The following ZNF292 variants were observed in gnomAD, a reference collection of about 807,000 sequenced individuals.
ZNF292 encodes the protein 16 zinc-finger domain protein.
Under a neutral mutation model 217.9 loss-of-function variants are expected in ZNF292, and 26 were observed. The ratio of observed to expected loss-of-function variants is 0.12; its 90% CI spans 0.09 to 0.17. The LOEUF (loss-of-function observed/expected upper bound fraction) is 0.17. Ranked by LOEUF, ZNF292 falls within the 10% of genes least tolerant of loss-of-function variation. ZNF292 has a pLI of 1.00. For synonymous variants in ZNF292, 1,257 were observed against 1,124.1 expected, an observed-to-expected ratio of 1.12 and a Z score of -2.37; for missense variants, 2,904 against 3,175.2, an observed-to-expected ratio of 0.91 and a Z score of 2.05.
intron 1 of ZNF292, among the ~76,000 whole-genome samples, chr6:87,171,998 C>A (rs1224632363): frequency 6.6e-6 from 1 of 152,198 alleles, no homozygotes; most frequent in Non-Finnish European, 1.5e-5. Flanking sequence ...ATGGAGAGTT[C>A]AATTCAACCA....
chr6:87,172,029 A>G (rs1336976701), intron 1 of ZNF292, among the ~76,000 whole-genome samples: 1 of 152,216 alleles, frequency 6.6e-6, no homozygotes, highest in African/African-American at 2.4e-5. Context: ...TGCAAATACT[A>G]ACAAAGGTAA....
At position 87,258,596 on chromosome 6, in the gene ZNF292, G is replaced by A. The variant is rs752383255; in HGVS notation, c.4967G>A (p.Gly1656Glu). 2 of 1,613,640 alleles carry A rather than the reference G, an allele frequency of 1.2e-6. No individual in the cohort carries two copies. Among genetic ancestry groups the A allele is most frequent in the Non-Finnish European group, 1.7e-6 (2 of 1,179,768 alleles). The change falls in exon 8 of 8, where the codon GGA (glycine) becomes GAA (glutamate). Residue 1656 changes from glycine (G) to glutamate (E), a missense_variant. Gly to Glu is a moderately conservative substitution (Grantham distance 98, BLOSUM62 -2). Around this residue, in one of 15 missense-constraint regions of ZNF292, gnomAD observed 622 missense variants for 573.1 expected, o/e 1.09. Coordinates refer to ENST00000369577, the MANE Select transcript of ZNF292 (RefSeq NM_015021.3). ...NLVTSDLTTM[G>E]LIAKSVEIPT... is the part of the protein sequence containing the mutation. ...GTAACAAGTGACTTAACAACAATGG[G>A]ACTCATAGCAAAGAGTGTTGAAATC...
chr6:87,231,106 TAGAA>T (rs1285273536), intron 4 of ZNF292, among the ~76,000 whole-genome samples: 7 of 152,018 alleles, frequency 4.6e-5, no homozygotes, highest in East Asian at 3.9e-4. Context: ...TGCAGAGAAA[TAGAA>T]AGATGCAGAG....
chr6:87,198,626 A>G (rs959731012), intron 1 of ZNF292, among the ~76,000 whole-genome samples: 1 of 152,256 alleles, frequency 6.6e-6, no homozygotes, highest in Non-Finnish European at 1.5e-5. Flanking sequence ...ACTTAAATAT[A>G]TTAGACTTGG....
chr6:87,223,958 T>G (rs994949600), intron 4 of ZNF292: 3 of 152,200 alleles, frequency 2.0e-5, no homozygotes, highest in Non-Finnish European at 2.9e-5. Flanking sequence ...CAAGTCTAAT[T>G]CATTAACACA....
rs1775653812 is a variant in ZNF292, at chr6:87,262,440, C to T, written c.*639C>T. ...CACTTTGCTCTGCTTTGTAAATTTG[C>T]CATCCAGGATTTTGGGGTGGTATTC... On this transcript the variant is annotated 3_prime_UTR_variant, in exon 8 of 8. Transcript: ENST00000369577. 6.6e-6 allele frequency: 1 copy of T among 151,802 alleles called. No homozygotes were observed. Among genetic ancestry groups the T allele is most frequent in the Non-Finnish European group, 1.5e-5 (1 of 67,878 alleles). 9.4% of individuals were successfully genotyped at this position (151,802 alleles called of 1,614,324 possible).
At chr6:87,212,536 T>A (rs1458786149) in intron 1 of ZNF292, among the ~76,000 whole-genome samples, 1 of 152,198 alleles carries the variant, frequency 6.6e-6, no homozygotes, top group Non-Finnish European at 1.5e-5. Flanking sequence ...CTTACGTAGA[T>A]TTCAAGGGTT....
At chr6:87,195,765 C>T (rs1771937675) in intron 1 of ZNF292, among the ~76,000 whole-genome samples, 1 of 152,090 alleles carries the variant, frequency 6.6e-6, no homozygotes, top group Non-Finnish European at 1.5e-5. Flanking sequence ...TGGTGGCTCA[C>T]ATCTGTAATT....
intron 5 of ZNF292, among the ~76,000 whole-genome samples, chr6:87,234,372 C>T (rs1045050290): frequency 3.9e-5 from 6 of 152,050 alleles, no homozygotes; most frequent in African/African-American, 1.4e-4. Flanking sequence ...GCCTGGCCAA[C>T]GTAGTGAAAC....
intron 1 of ZNF292, among the ~76,000 whole-genome samples, chr6:87,185,401 G>A (rs946795504): frequency 2.0e-5 from 3 of 152,246 alleles, no homozygotes; most frequent in East Asian, 3.9e-4. Flanking sequence ...CACTGCTTTC[G>A]TTACCGGTGT....
chr6:87,250,222 C>T (rs1774852047), intron 7 of ZNF292, among the ~76,000 whole-genome samples: 1 of 151,530 alleles, frequency 6.6e-6, no homozygotes, highest in Admixed American at 6.6e-5. Context: ...GGCTTAAACC[C>T]AGGAGTTTGA....
intron 4 of ZNF292, among the ~76,000 whole-genome samples, chr6:87,221,001 C>T (rs774876881): frequency 5.9e-5 from 9 of 152,132 alleles, no homozygotes; most frequent in Non-Finnish European, 1.2e-4. Flanking sequence ...ATAGGTTATA[C>T]TCATTCGTTT....
chr6:87,259,493 C>T lies in ZNF292; in HGVS notation c.5864C>T (p.Thr1955Ile), dbSNP rs1249816210. ...APFKCVVPTC[T>I]KTFTRNSNLR... ...TTTAAATGTGTAGTACCTACATGTACAAAAACATTTACAAGAAATTCTAAC... is the reference window on the plus strand; with the variant it reads ...TTTAAATGTGTAGTACCTACATGTATAAAAACATTTACAAGAAATTCTAAC... The change falls in exon 8 of 8, where the codon ACA (threonine) becomes ATA (isoleucine). Residue 1955 changes from threonine to isoleucine, a missense_variant. Coordinates refer to ENST00000369577, the MANE Select transcript of ZNF292 (RefSeq NM_015021.3). 3.8e-6 allele frequency: 6 copies of T among 1,589,204 alleles called. 1 individual carries two copies. In the East Asian group the frequency reaches 1.4e-4, roughly 36 times the overall value.
At chr6:87,188,236 C>T (rs1771721966) in intron 1 of ZNF292, among the ~76,000 whole-genome samples, 1 of 152,154 alleles carries the variant, frequency 6.6e-6, no homozygotes, top group Non-Finnish European at 1.5e-5. Flanking sequence ...CATCATTATT[C>T]ACATACCTGC....
At chr6:87,191,308 C>T (rs188884723) in intron 1 of ZNF292, among the ~76,000 whole-genome samples, 61 of 152,020 alleles carry the variant, frequency 4.0e-4, no homozygotes, top group African/African-American at 1.5e-3. Context: ...TCACAAAAAA[C>T]TCATAATTTT....
chr6:87,254,607 TTAGTG>T, intron 7 of ZNF292, 38 bp from the exon 8 acceptor site: 1 of 1,482,656 alleles, frequency 6.7e-7, no homozygotes, highest in Non-Finnish European at 9.1e-7. Flanking sequence ...TTAGTGTTGA[TTAGTG>T]TAGATTAAAT....
intron 1 of ZNF292, among the ~76,000 whole-genome samples, chr6:87,161,321 A>G (rs989239712): frequency 2.0e-5 from 3 of 152,246 alleles, no homozygotes; most frequent in African/African-American, 7.2e-5. Flanking sequence ...GATACGGGCA[A>G]CTAGTGGGAT....
In ZNF292 at chr6:87,207,743, C is replaced by T. The variant is rs779220609; in HGVS notation, c.169-8160C>T. On this transcript the variant is annotated intron_variant, in intron 1 of 7. Coordinates refer to ENST00000369577, the MANE Select transcript of ZNF292 (RefSeq NM_015021.3). ...CACCAATTCAATCCAAATTCTCCCT[C>T]AATTGTTTAAATCTCCTCTAAGCTT... Among the ~76,000 whole-genome samples the T allele has an allele frequency of 1.2e-4, 18 of 152,098 alleles. 1 individual carries two copies. Among genetic ancestry groups the T allele is most frequent in the South Asian group, 4.1e-4 (2 of 4,830 alleles).
chr6:87,216,689 A>G (rs184879743), intron 3 of ZNF292, among the ~76,000 whole-genome samples: 153 of 152,152 alleles, frequency 1.0e-3, no homozygotes, highest in Middle Eastern at 6.8e-3. Context: ...AAAGTCTTCA[A>G]TGTGCTTTAT....
Sources: gnomAD v4.1 joint callset for allele counts (sites outside exome capture counted in the v4.1 genomes callset) on GRCh38, gnomAD v4.1.1 for gene constraint, gnomAD v4.1.1 regional missense constraint, MANE v1.5 for transcripts, NCBI Gene and HGNC (gene_info 2026-07-23, HGNC 2026-07-21) for gene names.